The following AFG2A variants were observed in gnomAD, a reference collection of about 807,000 sequenced individuals.
AFG2A encodes the protein ATPase family gene 2 protein homolog A.
the AFG2A span, among the ~76,000 whole-genome samples, chr4:123,184,928 A>C: frequency 6.6e-6 from 1 of 152,188 alleles, no homozygotes. Flanking sequence ...TGATAAATCA[A>C]ATTTCCCAGA....
chr4:123,063,925 G>A, the AFG2A span, among the ~76,000 whole-genome samples: 1 of 152,208 alleles, frequency 6.6e-6, no homozygotes, highest in Non-Finnish European at 1.5e-5. Context: ...CCATGAAGCA[G>A]AGGATTGCAG....
the AFG2A span, chr4:123,056,357 A>G: frequency 1.9e-6 from 3 of 1,596,550 alleles, no homozygotes; most frequent in Non-Finnish European, 2.6e-6. Flanking sequence ...ATTTATAAAG[A>G]CACTGAACAG....
chr4:123,065,003 G>A, the AFG2A span, among the ~76,000 whole-genome samples: 6 of 152,106 alleles, frequency 3.9e-5, no homozygotes, highest in Admixed American at 3.3e-4. Context: ...CTACTCAAGG[G>A]CATGCATCAC....
the AFG2A span, among the ~76,000 whole-genome samples, chr4:123,150,160 C>T: frequency 1.3e-5 from 2 of 152,088 alleles, no homozygotes; most frequent in African/African-American, 4.8e-5. Context: ...AAACCCACAG[C>T]CAGTATCATA....
chr4:123,181,078 A>G, the AFG2A span, among the ~76,000 whole-genome samples: 2 of 146,528 alleles, frequency 1.4e-5, no homozygotes, highest in Admixed American at 7.0e-5. Context: ...TCCGCCTCCC[A>G]GGTTCACGCC....
At chr4:123,182,694 C>A in the AFG2A span, among the ~76,000 whole-genome samples, 56 of 152,258 alleles carry the variant, frequency 3.7e-4, no homozygotes, top group East Asian at 6.4e-3. Context: ...GAAAAATATT[C>A]CCTGGGGACT....
chr4:123,019,700 A>G, the AFG2A span, among the ~76,000 whole-genome samples: 3 of 152,176 alleles, frequency 2.0e-5, no homozygotes, highest in African/African-American at 7.2e-5. Context: ...AAAGACAGAT[A>G]TTTTATATAT....
At chr4:123,148,005 T>C in the AFG2A span, among the ~76,000 whole-genome samples, 1 of 152,010 alleles carries the variant, frequency 6.6e-6, no homozygotes, top group Admixed American at 6.6e-5. Flanking sequence ...GATAGTAGAG[T>C]AGAAGTACAA....
At chr4:123,062,903 G>T in the AFG2A span, among the ~76,000 whole-genome samples, 1 of 152,078 alleles carries the variant, frequency 6.6e-6, no homozygotes, top group African/African-American at 2.4e-5. Flanking sequence ...TTGGCATTTC[G>T]GAAAGCAAAG....
the AFG2A span, among the ~76,000 whole-genome samples, chr4:123,226,397 AT>A: frequency 5.9e-5 from 9 of 152,228 alleles, no homozygotes; most frequent in Admixed American, 1.3e-4. Flanking sequence ...TCAATACCTA[AT>A]TTATTGAGAG....
At chr4:123,181,251 TG>T in the AFG2A span, among the ~76,000 whole-genome samples, 1 of 152,004 alleles carries the variant, frequency 6.6e-6, no homozygotes. Flanking sequence ...CCCAAAGTGC[TG>T]GGATTACAGG....
the AFG2A span, among the ~76,000 whole-genome samples, chr4:123,179,484 A>C: frequency 6.6e-6 from 1 of 152,176 alleles, no homozygotes; most frequent in Non-Finnish European, 1.5e-5. Flanking sequence ...GGTAGCTGGC[A>C]ATACACGTGT....
At chr4:122,928,942 A>G in the AFG2A span, 19 of 1,416,136 alleles carry the variant, frequency 1.3e-5, no homozygotes, top group Non-Finnish European at 1.8e-5. Context: ...TATTTTGCAT[A>G]TCTTAAGTGC....
chr4:122,958,610 G>A, the AFG2A span, among the ~76,000 whole-genome samples: 4 of 152,132 alleles, frequency 2.6e-5, no homozygotes, highest in African/African-American at 7.2e-5. Flanking sequence ...TACTAAACTC[G>A]GTTACTGAAT....
chr4:123,291,182 A>G, the AFG2A span, among the ~76,000 whole-genome samples: 1 of 152,124 alleles, frequency 6.6e-6, no homozygotes, highest in Non-Finnish European at 1.5e-5. Flanking sequence ...TCATCCCCTT[A>G]CCTTGAGTCT....
chr4:123,041,322 C>T, the AFG2A span, among the ~76,000 whole-genome samples: 29 of 133,102 alleles, frequency 2.2e-4, no homozygotes, highest in Admixed American at 2.4e-3. Context: ...GGGGTTTCAC[C>T]GTGTTAGCCA....
At chr4:123,226,007 C>T in the AFG2A span, among the ~76,000 whole-genome samples, 10 of 152,198 alleles carry the variant, frequency 6.6e-5, no homozygotes, top group African/African-American at 2.4e-4. Flanking sequence ...ATTTGGTTCT[C>T]TGTTTGTCTG....
At chr4:123,196,190 T>C in the AFG2A span, among the ~76,000 whole-genome samples, 4 of 145,862 alleles carry the variant, frequency 2.7e-5, no homozygotes, top group Admixed American at 1.4e-4. Flanking sequence ...TTTTTTTTTT[T>C]AGTAGGGATG....
At chr4:123,315,566 C>G in the AFG2A span, 1 of 152,008 alleles carries the variant, frequency 6.6e-6, no homozygotes, top group African/African-American at 2.4e-5. Context: ...TATTTATCCT[C>G]AGGATTTCTT....
Sources: allele counts gnomAD v4.1 joint callset (sites outside exome capture counted in the v4.1 genomes callset), GRCh38; gene constraint gnomAD v4.1.1; transcripts MANE v1.5; gene names NCBI Gene and HGNC (gene_info 2026-07-23, HGNC 2026-07-21).